Variants in VEPH1 observed in about 807,000 individuals in gnomAD.
The protein encoded by VEPH1 is ventricular zone-expressed PH domain-containing protein homolog 1.
In VEPH1, 80 loss-of-function variants were observed where a neutral mutation model predicts 85.2. The ratio of observed to expected loss-of-function variants is 0.94; its 90% CI spans 0.78 to 1.13. VEPH1 has a LOEUF of 1.13. VEPH1 is among the 50% of genes most tolerant of loss of function. VEPH1 has a pLI of 0.00. For missense variants in VEPH1, 955 were observed against 980.5 expected (o/e 0.97, Z 0.35); for synonymous variants, 297 against 348.0 (o/e 0.85, Z 1.63).
At chr3:157,286,496 C>A (rs1459145667) in intron 12 of VEPH1, 61 bp downstream of exon 12, 2 of 1,347,602 alleles carry the variant, frequency 1.5e-6, no homozygotes, top group Non-Finnish European at 1.1e-6. Flanking sequence ...AAAAATGGAG[C>A]TGACAGATCC....
At position 157,381,141 on chromosome 3, in the gene VEPH1, G is replaced by C. The variant is rs1477358872; in HGVS notation, c.1127+15C>G. 14 of 1,612,360 alleles carry C rather than the reference G, an allele frequency of 8.7e-6. No homozygotes were observed. Among genetic ancestry groups the C allele is most frequent in the Non-Finnish European group, 1.2e-5 (14 of 1,179,842 alleles). On this transcript the variant is annotated intron_variant, in intron 7 of 13. Transcript: ENST00000362010. ...GCACAGCAGCTCCCTGAGGTACACA[G>C]AAGCTCTTGCTCACCTGCCACTTCC...
intron 9 of VEPH1, among the ~76,000 whole-genome samples, chr3:157,361,982 T>C (rs982293527): frequency 1.3e-5 from 2 of 152,190 alleles, no homozygotes; most frequent in African/African-American, 2.4e-5. Flanking sequence ...AAGACACTGT[T>C]ACTGATCTTG....
rs1208741212 is a variant in VEPH1 at position 157,381,207 on chromosome 3, A to G, written c.1076T>C (p.Ile359Thr). The stretch of plus-strand genomic sequence containing the variant: ...CAGTTGTCGGGTAAGGAGTTTAGCA[A>G]TGGCGGTGAAGCTGTTGCTCATGCG... The part of the protein sequence containing the change: ...IFRMSNSFTA[I>T]AKLLTRQLEN... The change falls in exon 7 of 14, where the codon ATT becomes ACT. Residue 359 changes from isoleucine to threonine, a missense_variant. Coordinates refer to ENST00000362010, the MANE Select transcript of VEPH1 (RefSeq NM_001167912.2). 4 of 1,614,022 alleles carry G rather than the reference A, an allele frequency of 2.5e-6. No homozygotes were observed. The highest frequency in any genetic ancestry group is 3.4e-6 in the Non-Finnish European group (4 of 1,179,988).
Position 157,356,367 on chromosome 3 carries a change from G to T in VEPH1, c.1735+6997C>A, listed in dbSNP as rs139971074. ...GCCTCAATCCAAGTAGACTCTGTCA[G>T]CTTTGGACTCATCTGCTGTAAATAT... is the stretch of plus-strand genomic sequence containing the variant. On this transcript the variant is annotated intron_variant, in intron 9 of 13. Transcript: ENST00000362010. 2.8e-3 allele frequency among the ~76,000 whole-genome samples: 430 copies of T among 151,598 alleles called. 5 individuals carry two copies. In the East Asian group the frequency reaches 0.043, roughly 15 times the overall value.
intron 7 of VEPH1, among the ~76,000 whole-genome samples, chr3:157,373,303 G>A (rs1402961000): frequency 6.6e-6 from 1 of 152,150 alleles, no homozygotes; most frequent in Non-Finnish European, 1.5e-5. Flanking sequence ...TGGTGATATA[G>A]CACGGTAACC....
intron 3 of VEPH1, among the ~76,000 whole-genome samples, chr3:157,463,391 C>T (rs1736060413): frequency 6.6e-6 from 1 of 152,200 alleles, no homozygotes; most frequent in Non-Finnish European, 1.5e-5. Flanking sequence ...AGCAGTTCCT[C>T]TCAGTAGGTC....
chr3:157,291,382 G>A (rs143926907), intron 11 of VEPH1, among the ~76,000 whole-genome samples: 8 of 152,260 alleles, frequency 5.3e-5, no homozygotes, highest in African/African-American at 1.7e-4. Context: ...GTGTCTAGTA[G>A]GAAATGCTGT....
chr3:157,406,768 T>TTTTAAA (rs1279978769), intron 6 of VEPH1, among the ~76,000 whole-genome samples: 14 of 141,736 alleles, frequency 9.9e-5, no homozygotes, highest in Non-Finnish European at 1.5e-4. Flanking sequence ...GTAAAAAAAA[T>TTTTAAA]TTTAAAGCAT....
At chr3:157,483,542 G>C (rs1258861921) in intron 2 of VEPH1, among the ~76,000 whole-genome samples, 1 of 151,872 alleles carries the variant, frequency 6.6e-6, no homozygotes, top group East Asian at 1.9e-4. Context: ...TATTTTAAAA[G>C]ACCAAGTCAC....
intron 9 of VEPH1, among the ~76,000 whole-genome samples, chr3:157,344,757 G>A (rs1222638000): frequency 6.6e-6 from 1 of 152,076 alleles, no homozygotes; most frequent in African/African-American, 2.4e-5. Flanking sequence ...GAGGCATCAC[G>A]CTACCTGACT....
chr3:157,390,847 C>T (rs941421492), intron 6 of VEPH1, among the ~76,000 whole-genome samples: 1 of 152,230 alleles, frequency 6.6e-6, no homozygotes, highest in Non-Finnish European at 1.5e-5. Context: ...CTCAGGACTC[C>T]CTGAGCCAGA....
chr3:157,439,212 G>A (rs2109211761), intron 4 of VEPH1, among the ~76,000 whole-genome samples: 1 of 152,282 alleles, frequency 6.6e-6, no homozygotes, highest in South Asian at 2.1e-4. Context: ...ACCACGTAAA[G>A]TCATTGTACA....
chr3:157,334,433 AC>A (rs1193869052), intron 9 of VEPH1, among the ~76,000 whole-genome samples: 16 of 152,238 alleles, frequency 1.1e-4, no homozygotes, highest in African/African-American at 3.4e-4. Flanking sequence ...CTCTTAGAGT[AC>A]AAGTTCTGAA....
chr3:157,334,029 G>A (rs13325320), intron 9 of VEPH1, among the ~76,000 whole-genome samples: 9,618 of 152,174 alleles, frequency 0.063, 344 homozygotes, highest in South Asian at 0.1. Context: ...TATTATGTCC[G>A]ATATGTTGGT....
In VEPH1 at chr3:157,261,151, C is replaced by T; in HGVS notation, c.2485G>A (p.Val829Ile). 1.9e-6 allele frequency: 3 copies of T among 1,613,720 alleles called. No homozygotes were observed. The highest frequency in any genetic ancestry group is 1.3e-5 in the African/African-American group (1 of 75,006). The change falls in exon 14 of 14, where the codon GTA (valine) becomes ATA (isoleucine). Residue 829 changes from valine to isoleucine, a missense_variant. Transcript: ENST00000362010. Reference sequence around the variant, plus strand: ...ATAAATCCCTACAGATATGTGGTTACTTCTCTACTTTCCCTTTCTTTGGCT... The same window carrying T: ...ATAAATCCCTACAGATATGTGGTTATTTCTCTACTTTCCCTTTCTTTGGCT... ...AQAKERESRE[V>I]TTYL is the part of the protein sequence containing the mutation.
At chr3:157,489,949 TTATTA>T (rs1739072003) in intron 2 of VEPH1, among the ~76,000 whole-genome samples, 1 of 151,872 alleles carries the variant, frequency 6.6e-6, no homozygotes, top group Non-Finnish European at 1.5e-5. Flanking sequence ...AAAAAGAATA[TTATTA>T]TATTCTCAGA....
chr3:157,460,406 A>G, intron 3 of VEPH1, 51 bp from the exon 4 acceptor site: 1 of 1,566,672 alleles, frequency 6.4e-7, no homozygotes, highest in African/African-American at 1.4e-5. Flanking sequence ...TTATTCATTT[A>G]TTCATTCATT....
At chr3:157,438,022 C>CAA (rs2109198015) in intron 4 of VEPH1, 14 of 679,828 alleles carry the variant, frequency 2.1e-5, no homozygotes, top group East Asian at 7.8e-5. Flanking sequence ...TCATGGGAAG[C>CAA]GCGCGCGCGC....
At chr3:157,331,906 C>G (rs1225078449) in intron 9 of VEPH1, among the ~76,000 whole-genome samples, 1 of 152,198 alleles carries the variant, frequency 6.6e-6, no homozygotes, top group Admixed American at 6.5e-5. Context: ...AAACACCATG[C>G]TGCTACACAA....
Sources: allele counts gnomAD v4.1 joint callset (sites outside exome capture counted in the v4.1 genomes callset), GRCh38; gene constraint gnomAD v4.1.1; transcripts MANE v1.5; gene names NCBI Gene and HGNC (gene_info 2026-07-23, HGNC 2026-07-21).